The following GRM8 variants were observed in gnomAD, a reference collection of about 807,000 sequenced individuals.
GRM8 encodes metabotropic glutamate receptor 8.
A neutral mutation model predicts 87.2 loss-of-function variants in GRM8; 47 were observed. The observed-to-expected ratio is 0.54, with a 90% CI of 0.43 to 0.69. The LOEUF (loss-of-function observed/expected upper bound fraction) is 0.69. GRM8 is among the 30% of genes least tolerant of loss of function. The pLI is 0.00. For synonymous variants in GRM8, 396 were observed against 404.5 expected (o/e 0.98, Z 0.25); for missense variants, 1,019 against 1,139.2 (o/e 0.89, Z 1.52).
At chr7:126,865,095 C>G (rs1420977162) in intron 6 of GRM8, among the ~76,000 whole-genome samples, 2 of 152,208 alleles carry the variant, frequency 1.3e-5, no homozygotes, top group African/African-American at 4.8e-5. Context: ...GAGATTTGTT[C>G]AAGGAGCTTG....
At chr7:126,955,346 G>A (rs1275555737) in intron 3 of GRM8, among the ~76,000 whole-genome samples, 1 of 151,998 alleles carries the variant, frequency 6.6e-6, no homozygotes, top group Non-Finnish European at 1.5e-5. Flanking sequence ...CAATACAAAG[G>A]CTGTAAAATA....
intron 3 of GRM8, chr7:127,076,227 G>A (rs147547060): frequency 6.6e-6 from 3 of 456,484 alleles, no homozygotes; most frequent in East Asian, 7.0e-5. Flanking sequence ...CCCAAACAGG[G>A]ATGGATAACC....
rs17868688 is a variant in GRM8 at position 126,946,530 on chromosome 7, A to G, written c.728-41847T>C. ...AGGGGAGGCAGAAAAGGAAAGAAAA[A>G]GTCAAAAGAAAGGAAAGAAAGACCA... On this transcript the variant is annotated intron_variant, in intron 3 of 10. Coordinates refer to ENST00000339582, the MANE Select transcript of GRM8 (RefSeq NM_000845.3). Among the ~76,000 whole-genome samples the G allele has an allele frequency of 6.3e-3, 955 of 152,284 alleles. 10 individuals carry two copies. The highest frequency in any genetic ancestry group is 0.022 in the African/African-American group (898 of 41,544).
intron 8 of GRM8, among the ~76,000 whole-genome samples, chr7:126,591,440 A>G (rs1053689901): frequency 6.6e-6 from 1 of 152,108 alleles, no homozygotes; most frequent in Non-Finnish European, 1.5e-5. Context: ...GGGGACTTCA[A>G]TACTCCACTG....
chr7:126,484,812 A>T (rs1453190209), intron 9 of GRM8, among the ~76,000 whole-genome samples: 2 of 152,010 alleles, frequency 1.3e-5, no homozygotes, highest in African/African-American at 4.8e-5. Context: ...AAAAATATTA[A>T]ATAACTGACC....
chr7:126,785,693 C>T (rs1197359591), intron 6 of GRM8, among the ~76,000 whole-genome samples: 1 of 151,988 alleles, frequency 6.6e-6, no homozygotes, highest in East Asian at 1.9e-4. Flanking sequence ...CACTGGAGCT[C>T]TACCTGTCAC....
chr7:126,595,037 G>A (rs1372979689), intron 8 of GRM8, among the ~76,000 whole-genome samples: 3 of 151,804 alleles, frequency 2.0e-5, no homozygotes, highest in African/African-American at 7.3e-5. Context: ...ACAATAAAAA[G>A]CAATGCAGCA....
intron 2 of GRM8, among the ~76,000 whole-genome samples, chr7:127,173,969 G>A (rs1793955630): frequency 1.3e-5 from 2 of 152,076 alleles, no homozygotes; most frequent in Admixed American, 1.3e-4. Context: ...CTTAACCTAT[G>A]AAAACTGACT....
chr7:127,167,007 A>G, intron 2 of GRM8, among the ~76,000 whole-genome samples: 1 of 152,162 alleles, frequency 6.6e-6, no homozygotes, highest in South Asian at 2.1e-4. Flanking sequence ...GAGTTGAATT[A>G]AATTGAAAGT....
At chr7:126,902,763 A>G in intron 5 of GRM8, 84 bp from the exon 6 acceptor site, 1 of 943,138 alleles carries the variant, frequency 1.1e-6, no homozygotes, top group Non-Finnish European at 1.6e-6. Context: ...TTATATTCTG[A>G]TCACTGCATG....
At chr7:127,001,882 C>T (rs1813764088) in intron 3 of GRM8, among the ~76,000 whole-genome samples, 1 of 151,576 alleles carries the variant, frequency 6.6e-6, no homozygotes, top group African/African-American at 2.4e-5. Context: ...TTGTTATTAT[C>T]ATTACATGCA....
chr7:126,960,688 T>A (rs1414929601), intron 3 of GRM8, among the ~76,000 whole-genome samples: 1 of 152,204 alleles, frequency 6.6e-6, no homozygotes, highest in Non-Finnish European at 1.5e-5. Context: ...TTTTGGATGC[T>A]ATTTCCCCAG....
At chr7:127,014,208 C>G (rs1815174080) in intron 3 of GRM8, among the ~76,000 whole-genome samples, 2 of 152,178 alleles carry the variant, frequency 1.3e-5, no homozygotes. Flanking sequence ...GCCTCAAAGA[C>G]AGTGGAGCAA....
At chr7:126,668,611 C>G (rs890944049) in intron 7 of GRM8, among the ~76,000 whole-genome samples, 1 of 152,160 alleles carries the variant, frequency 6.6e-6, no homozygotes, top group African/African-American at 2.4e-5. Flanking sequence ...GCTGCCGCAG[C>G]CTTCCACCTC....
Position 126,441,190 on chromosome 7 carries a change from A to G in GRM8, c.2678-2022T>C, listed in dbSNP as rs539815790. Among the ~76,000 whole-genome samples the G allele has an allele frequency of 3.3e-5, 5 of 152,206 alleles. No individual in the cohort carries two copies. In the South Asian group the frequency reaches 6.2e-4, roughly 19 times the overall value. On this transcript the variant is annotated intron_variant, in intron 10 of 10. Coordinates refer to ENST00000339582, the MANE Select transcript of GRM8 (RefSeq NM_000845.3). Reference sequence around the variant, plus strand: ...ATAATCTTAGACTCTAGAGGTAAACATGCTAAAATATCAAATATATAGAAA... The same window carrying G: ...ATAATCTTAGACTCTAGAGGTAAACGTGCTAAAATATCAAATATATAGAAA...
chr7:126,449,866 C>A (rs1355068962), intron 9 of GRM8, among the ~76,000 whole-genome samples: 1 of 151,802 alleles, frequency 6.6e-6, no homozygotes, highest in Non-Finnish European at 1.5e-5. Context: ...CCCTGTCACT[C>A]CAAAATACTA....
At chr7:126,726,462 T>C (rs934194700) in intron 7 of GRM8, among the ~76,000 whole-genome samples, 1 of 152,164 alleles carries the variant, frequency 6.6e-6, no homozygotes, top group African/African-American at 2.4e-5. Context: ...GTCCCTGCTC[T>C]GGCCACTGCT....
chr7:126,716,543 T>G (rs1811765610), intron 7 of GRM8, among the ~76,000 whole-genome samples: 1 of 152,166 alleles, frequency 6.6e-6, no homozygotes, highest in African/African-American at 2.4e-5. Flanking sequence ...GACTTCATGA[T>G]GCATCACTCA....
intron 7 of GRM8, among the ~76,000 whole-genome samples, chr7:126,725,656 A>G (rs1812887936): frequency 3.9e-5 from 6 of 152,170 alleles, no homozygotes. Context: ...GCAATAAATA[A>G]ATATCTGGGA....
Sources: allele counts gnomAD v4.1 joint callset (sites outside exome capture counted in the v4.1 genomes callset), GRCh38; gene constraint gnomAD v4.1.1; transcripts MANE v1.5; gene names NCBI Gene and HGNC (gene_info 2026-07-23, HGNC 2026-07-21).